Variants in FER1L6 observed in about 807,000 individuals in gnomAD.
FER1L6 encodes the protein fer-1 like family member 6, also known as fer-1-like protein 6.
In FER1L6, 177 loss-of-function variants were observed where a neutral mutation model predicts 219.2. The ratio of observed to expected loss-of-function variants is 0.81; its 90% CI spans 0.71 to 0.91. The LOEUF (loss-of-function observed/expected upper bound fraction) is 0.91, where lower values mean the gene tolerates loss of function less well. Among genes scored for constraint, FER1L6 ranks in the 40% least tolerant of loss-of-function variants. The pLI, the probability that FER1L6 is intolerant of heterozygous loss-of-function variation, is 0.00. For missense variants in FER1L6, 2,153 were observed against 2,259.9 expected (o/e 0.95, Z 0.96); for synonymous variants, 768 against 824.3 (o/e 0.93, Z 1.17).
At chr8:124,119,477 C>A (rs1359062665) in intron 40 of FER1L6, 130 bp from the exon 41 acceptor site, 1 of 682,638 alleles carries the variant, frequency 1.5e-6, no homozygotes, top group Admixed American at 2.4e-5. Flanking sequence ...GCAACATGCT[C>A]TTCTCCCATT....
chr8:124,050,999 C>A (rs1286435963), intron 22 of FER1L6, among the ~76,000 whole-genome samples: 2 of 152,112 alleles, frequency 1.3e-5, no homozygotes, highest in African/African-American at 4.8e-5. Flanking sequence ...AAAGCCAAAA[C>A]TCAATTAGTA....
intron 1 of FER1L6, among the ~76,000 whole-genome samples, chr8:123,886,141 A>T (rs545979182): frequency 6.6e-6 from 1 of 152,198 alleles, no homozygotes; most frequent in African/African-American, 2.4e-5. Context: ...TCGATTCCTT[A>T]TAAGTCTTCT....
chr8:124,095,669 ATTGT>A (rs1822251916), intron 35 of FER1L6, among the ~76,000 whole-genome samples: 1 of 152,190 alleles, frequency 6.6e-6, no homozygotes, highest in Non-Finnish European at 1.5e-5. Context: ...TGACCATAGA[ATTGT>A]TTATCCAAAC....
intron 1 of FER1L6, among the ~76,000 whole-genome samples, chr8:123,889,391 A>G (rs561237093): frequency 5.9e-5 from 9 of 152,306 alleles, no homozygotes; most frequent in African/African-American, 2.2e-4. Flanking sequence ...GTTGCTGCTC[A>G]TTAGATGCCT....
chr8:123,903,344 G>A (rs1002288468), intron 1 of FER1L6, among the ~76,000 whole-genome samples: 2 of 152,058 alleles, frequency 1.3e-5, no homozygotes, highest in African/African-American at 4.8e-5. Context: ...ATTCTCAATC[G>A]CTGAAAATGT....
chr8:124,060,180 G>C lies in FER1L6; in HGVS notation c.2875G>C (p.Val959Leu). 1.9e-6 allele frequency: 3 copies of C among 1,613,258 alleles called. No homozygotes were observed. The South Asian group carries it at 3.3e-5, about 18-fold the overall frequency. The change falls in exon 23 of 41, where the codon GTT becomes CTT. Residue 959 changes from valine to leucine, a missense_variant and splice_region_variant. Transcript: ENST00000522917. The part of the protein sequence containing the change: ...DLLAVFELLQ[V>L]PPSGLQGLPP... ...AACTCATACTTGCCTTGTGCGGTAG[G>C]TTCCTCCTTCTGGGCTGCAAGGCCT...
chr8:123,878,013 T>C (rs1817035796), intron 1 of FER1L6, among the ~76,000 whole-genome samples: 1 of 152,190 alleles, frequency 6.6e-6, no homozygotes, highest in African/African-American at 2.4e-5. Flanking sequence ...TGCTTTAACG[T>C]TCTATTCTAA....
chr8:123,876,730 A>G (rs1272222793), intron 1 of FER1L6, among the ~76,000 whole-genome samples: 1 of 151,778 alleles, frequency 6.6e-6, no homozygotes, highest in Non-Finnish European at 1.5e-5. Context: ...TTTTTTTTCC[A>G]TAGTGCTTAT....
chr8:124,045,118 C>T (rs529209905), intron 20 of FER1L6, among the ~76,000 whole-genome samples: 22 of 152,274 alleles, frequency 1.4e-4, no homozygotes, highest in Admixed American at 1.4e-3. Flanking sequence ...GGTCAAATAC[C>T]CAACTTCAGG....
chr8:124,023,668 T>C, intron 18 of FER1L6, 72 bp downstream of exon 18: 1 of 1,511,542 alleles, frequency 6.6e-7, no homozygotes, highest in South Asian at 1.2e-5. Flanking sequence ...CTTTCTAGTG[T>C]GTGTCCATGG....
chr8:123,866,388 C>T (rs1261665802), intron 1 of FER1L6, among the ~76,000 whole-genome samples: 1 of 151,666 alleles, frequency 6.6e-6, no homozygotes, highest in Non-Finnish European at 1.5e-5. Flanking sequence ...ACCCATTCAT[C>T]CTTTGATGGT....
At chr8:124,011,737 C>G (rs1379346327) in intron 14 of FER1L6, among the ~76,000 whole-genome samples, 1 of 151,790 alleles carries the variant, frequency 6.6e-6, no homozygotes, top group African/African-American at 2.4e-5. Flanking sequence ...CCTCCTGCCT[C>G]AGCCCCCAAA....
chr8:124,094,604 GCCTCCT>G (rs1229887598), intron 34 of FER1L6, among the ~76,000 whole-genome samples: 1 of 152,056 alleles, frequency 6.6e-6, no homozygotes, highest in East Asian at 1.9e-4. Flanking sequence ...TCCTGCCTCA[GCCTCCT>G]GAGTAGCTGG....
chr8:124,071,771 T>A, intron 31 of FER1L6, 140 bp downstream of exon 31: 1 of 1,126,280 alleles, frequency 8.9e-7, no homozygotes, highest in Non-Finnish European at 1.2e-6. Context: ...ATAATCAAGT[T>A]GCTACCAGGG....
chr8:123,856,931 T>G (rs888675540), intron 1 of FER1L6, among the ~76,000 whole-genome samples: 1 of 152,076 alleles, frequency 6.6e-6, no homozygotes, highest in Non-Finnish European at 1.5e-5. Flanking sequence ...GTGCTGATGT[T>G]GGTAACTGCT....
Position 124,097,788 on chromosome 8 carries a change from C to G in FER1L6, c.4788C>G (p.Tyr1596Ter), listed in dbSNP as rs779470902. The change falls in exon 37 of 41, where the codon TAC becomes TAG. Residue 1596 changes from tyrosine (Y) to a stop codon, truncating the protein, a stop_gained. Transcript: ENST00000522917. LOFTEE classifies it high-confidence loss of function. ...ATGCTTCCTTCTCCCATCCCAGATA[C>G]GAATTGAGAGTGACCATCTGGAACA... ...VDISPRRPKG[Y>*]ELRVTIWNTE... 6.4e-7 allele frequency: 1 copy of G among 1,561,710 alleles called. No homozygotes were observed. The highest frequency in any genetic ancestry group is 8.8e-7 in the Non-Finnish European group (1 of 1,132,150).
intron 20 of FER1L6, 97 bp from the exon 21 acceptor site, chr8:124,045,670 G>A (rs922714324): frequency 7.6e-6 from 10 of 1,311,238 alleles, no homozygotes; most frequent in Admixed American, 7.2e-5. Flanking sequence ...ATGATGATGT[G>A]TTCTCTTTCC....
chr8:123,876,501 TG>T (rs1382163868), intron 1 of FER1L6, among the ~76,000 whole-genome samples: 2 of 152,154 alleles, frequency 1.3e-5, no homozygotes, highest in Non-Finnish European at 1.5e-5. Flanking sequence ...TTTTGTTTTT[TG>T]TTTTGTAGAG....
intron 33 of FER1L6, among the ~76,000 whole-genome samples, chr8:124,084,126 T>G (rs1394716855): frequency 6.6e-6 from 1 of 152,140 alleles, no homozygotes; most frequent in African/African-American, 2.4e-5. Flanking sequence ...TCCTGCAACT[T>G]TACTGAATTT....
Sources: gnomAD v4.1 joint callset for allele counts (sites outside exome capture counted in the v4.1 genomes callset) on GRCh38, gnomAD v4.1.1 for gene constraint, MANE v1.5 for transcripts, NCBI Gene and HGNC (gene_info 2026-07-23, HGNC 2026-07-21) for gene names.